NRG3: variants seen among roughly 807,000 people sequenced by gnomAD.
The protein encoded by NRG3 is pro-neuregulin-3, membrane-bound isoform.
A neutral mutation model predicts 66.9 loss-of-function variants in NRG3; 31 were observed. The observed-to-expected ratio is 0.46, with a 90% CI of 0.35 to 0.63. The LOEUF is 0.63. Ranked by LOEUF, NRG3 falls within the 20% of genes least tolerant of loss-of-function variation. The pLI is 0.00. For synonymous variants in NRG3, 393 were observed against 359.4 expected (o/e 1.09, Z -1.06); for missense variants, 910 against 878.9 (o/e 1.04, Z -0.45).
intron 4 of NRG3, among the ~76,000 whole-genome samples, chr10:82,904,698 C>T (rs909354494): frequency 6.6e-6 from 1 of 151,974 alleles, no homozygotes; most frequent in African/African-American, 2.4e-5. Context: ...CTTTGCTAGA[C>T]CTCTGTGTTA....
chr10:82,910,125 A>G (rs1845182055), intron 4 of NRG3, among the ~76,000 whole-genome samples: 1 of 152,238 alleles, frequency 6.6e-6, no homozygotes, highest in Non-Finnish European at 1.5e-5. Context: ...CTGAAAAATT[A>G]TAGAGAACTG....
At chr10:82,718,685 A>G (rs1025637101) in intron 2 of NRG3, among the ~76,000 whole-genome samples, 26 of 152,228 alleles carry the variant, frequency 1.7e-4, no homozygotes, top group Non-Finnish European at 3.5e-4. Context: ...TCAAGTGTCT[A>G]GCACAGAATC....
At chr10:82,195,335 G>A (rs1022326492) in intron 1 of NRG3, among the ~76,000 whole-genome samples, 5 of 152,144 alleles carry the variant, frequency 3.3e-5, no homozygotes, top group African/African-American at 4.8e-5. Flanking sequence ...GTATTTTGAT[G>A]TGTATCATGA....
intron 1 of NRG3, among the ~76,000 whole-genome samples, chr10:82,315,979 C>T (rs1183363118): frequency 1.3e-5 from 2 of 151,904 alleles, no homozygotes; most frequent in African/African-American, 2.4e-5. Context: ...TGTCCATAGT[C>T]GCAATAGGAA....
At chr10:82,956,571 T>C (rs936058100) in intron 5 of NRG3, among the ~76,000 whole-genome samples, 1 of 151,974 alleles carries the variant, frequency 6.6e-6, no homozygotes, top group Non-Finnish European at 1.5e-5. Context: ...CAGTCCGGTA[T>C]TGGATATTGC....
At chr10:82,115,103 A>G (rs927417800) in intron 1 of NRG3, among the ~76,000 whole-genome samples, 1 of 152,074 alleles carries the variant, frequency 6.6e-6, no homozygotes, top group Non-Finnish European at 1.5e-5. Flanking sequence ...TGCTGCCTAC[A>G]TGAGGCAGTG....
chr10:82,166,820 A>G (rs765418128), intron 1 of NRG3: 1 of 671,500 alleles, frequency 1.5e-6, no homozygotes, highest in South Asian at 1.6e-5. Flanking sequence ...GAATTCATAC[A>G]AATTTTGTAA....
intron 2 of NRG3, among the ~76,000 whole-genome samples, chr10:82,712,010 T>G (rs1265622709): frequency 2.0e-5 from 3 of 152,244 alleles, no homozygotes; most frequent in Non-Finnish European, 4.4e-5. Flanking sequence ...TGCCTCCATA[T>G]TTCTCCATTT....
intron 2 of NRG3, among the ~76,000 whole-genome samples, chr10:82,581,648 T>A (rs975193321): frequency 6.6e-6 from 1 of 152,006 alleles, no homozygotes; most frequent in African/African-American, 2.4e-5. Flanking sequence ...TGGAGATAAA[T>A]GTTGGTGATG....
intron 1 of NRG3, among the ~76,000 whole-genome samples, chr10:82,112,978 CTCCTGGTCT>C (rs1469523306): frequency 4.6e-5 from 7 of 152,116 alleles, no homozygotes; most frequent in African/African-American, 7.2e-5. Flanking sequence ...CCCCACACTG[CTCCTGGTCT>C]TCCTGCATGC....
At chr10:82,652,438 G>A (rs1329384334) in intron 2 of NRG3, among the ~76,000 whole-genome samples, 1 of 152,164 alleles carries the variant, frequency 6.6e-6, no homozygotes, top group African/African-American at 2.4e-5. Context: ...GACGAGATGG[G>A]AAGATAATCT....
intron 1 of NRG3, among the ~76,000 whole-genome samples, chr10:82,035,486 C>T (rs936809009): frequency 6.6e-6 from 1 of 152,004 alleles, no homozygotes; most frequent in African/African-American, 2.4e-5. Flanking sequence ...AGCACTGTTG[C>T]TATGATAAAC....
In NRG3 at chr10:81,942,746, G is replaced by T. The variant is rs560266332; in HGVS notation, c.823+66583G>T. Among the ~76,000 whole-genome samples, 101 of 152,152 alleles carry T rather than the reference G, an allele frequency of 6.6e-4. No individual in the cohort carries two copies. The Middle Eastern group carries it at 0.01, about 15-fold the overall frequency. On this transcript the variant is annotated intron_variant, in intron 1 of 8. Transcript: ENST00000372141. ...TTGAGGACCTCACATATACCAGGTG[G>T]ACTTTCACATTATACTAACACATAA...
chr10:82,186,531 G>A (rs2073820101), intron 1 of NRG3, among the ~76,000 whole-genome samples: 1 of 152,128 alleles, frequency 6.6e-6, no homozygotes, highest in Non-Finnish European at 1.5e-5. Context: ...GGGTATGTGG[G>A]CACACATTAC....
intron 2 of NRG3, among the ~76,000 whole-genome samples, chr10:82,518,860 A>G (rs368923539): frequency 1.1e-4 from 17 of 152,264 alleles, no homozygotes; most frequent in African/African-American, 3.8e-4. Flanking sequence ...CTAAAAATCT[A>G]CCTACCAGCC....
intron 1 of NRG3, among the ~76,000 whole-genome samples, chr10:81,984,475 C>T (rs555928501): frequency 1.3e-5 from 2 of 152,308 alleles, no homozygotes; most frequent in South Asian, 4.1e-4. Context: ...AATGGTATCT[C>T]TGTTTTCAGC....
chr10:82,850,249 T>G (rs2063498909), intron 3 of NRG3, among the ~76,000 whole-genome samples: 1 of 152,164 alleles, frequency 6.6e-6, no homozygotes, highest in Non-Finnish European at 1.5e-5. Context: ...AGAAGAGAAT[T>G]TGGCTTGCTG....
At chr10:82,768,343 C>G (rs1412722425) in intron 3 of NRG3, among the ~76,000 whole-genome samples, 2 of 152,134 alleles carry the variant, frequency 1.3e-5, no homozygotes, top group Non-Finnish European at 2.9e-5. Context: ...AGTTACCACT[C>G]TTCCATGGAC....
chr10:82,189,604 G>C (rs2074013262), intron 1 of NRG3, among the ~76,000 whole-genome samples: 1 of 151,974 alleles, frequency 6.6e-6, no homozygotes, highest in African/African-American at 2.4e-5. Flanking sequence ...AGTCTGGCCA[G>C]CGTGGTAAAG....
Sources: allele counts gnomAD v4.1 joint callset (sites outside exome capture counted in the v4.1 genomes callset), GRCh38; gene constraint gnomAD v4.1.1; transcripts MANE v1.5; gene names NCBI Gene and HGNC (gene_info 2026-07-23, HGNC 2026-07-21).